The following CNTN1 variants were observed in gnomAD, a reference collection of about 807,000 sequenced individuals.
CNTN1 encodes contactin 1, also known as contactin-1.
CNTN1 carries 38 observed loss-of-function variants against 126.4 expected under a neutral mutation model. The ratio of observed to expected loss-of-function variants is 0.30; its 90% CI spans 0.23 to 0.39. CNTN1 has a LOEUF of 0.39. Ranked by LOEUF, CNTN1 falls within the 10% of genes least tolerant of loss-of-function variation. The probability of loss-of-function intolerance (pLI) is 1.00; values close to 1 mark genes in which losing one functional copy is unlikely to be tolerated. For synonymous variants in CNTN1, 413 were observed against 422.6 expected (o/e 0.98, Z 0.28); for missense variants, 1,009 against 1,248.4 (o/e 0.81, Z 2.89).
At chr12:41,008,205 A>G (rs1948551658) in intron 17 of CNTN1, among the ~76,000 whole-genome samples, 1 of 152,124 alleles carries the variant, frequency 6.6e-6, no homozygotes, top group Non-Finnish European at 1.5e-5. Context: ...CACCATTTGG[A>G]GTTTGATTGT....
At chr12:40,859,048 T>C (rs893230190) in intron 1 of CNTN1, among the ~76,000 whole-genome samples, 2 of 151,984 alleles carry the variant, frequency 1.3e-5, no homozygotes, top group Non-Finnish European at 2.9e-5. Context: ...ACCTAGGTGA[T>C]GGGTTGATAG....
Position 40,937,594 on chromosome 12 carries a change from T to C in CNTN1, c.1135T>C (p.Tyr379His). The C allele has an allele frequency of 6.2e-7, 1 of 1,609,280 alleles. No homozygotes were observed. The highest frequency in any genetic ancestry group is 8.5e-7 in the Non-Finnish European group (1 of 1,175,742). The part of the protein sequence containing the change: ...YAYHKGELRL[Y>H]DVTFENAGMY... Reference sequence around the variant, plus strand: ...GTATCATAAAGGGGAATTAAGACTGTATGATGTGACTTTTGAAAATGCCGG... The same window carrying C: ...GTATCATAAAGGGGAATTAAGACTGCATGATGTGACTTTTGAAAATGCCGG... Residue 379 changes from tyrosine to histidine, a missense_variant, in exon 11 of 24, where the codon TAT becomes CAT. Coordinates refer to ENST00000551295, the MANE Select transcript of CNTN1 (RefSeq NM_001843.4).
intron 2 of CNTN1, 94 bp from the exon 3 acceptor site, chr12:40,909,979 C>G: frequency 1.1e-6 from 1 of 919,402 alleles, no homozygotes; most frequent in Non-Finnish European, 1.8e-6. Flanking sequence ...TACTCTCATT[C>G]CATTGTCTAG....
rs181312475 is a variant in CNTN1, at chr12:40,742,489, G to C, written c.-77+49897G>C. On this transcript the variant is annotated intron_variant, in intron 1 of 23. Transcript: ENST00000551295. ...TTTCAAGTGAGTAAAGTTTGTCTTT[G>C]CTGCTTTTCAACTCTTTCATCTTTC... is the stretch of plus-strand genomic sequence containing the variant. 10 of 151,772 alleles carry C rather than the reference G, an allele frequency of 6.6e-5. No individual in the cohort carries two copies. In the East Asian group the frequency reaches 1.7e-3, roughly 27 times the overall value. The allele number at this position is 151,772 out of a possible 1,614,324, so 9.4% of individuals were successfully genotyped here.
At chr12:40,715,494 A>C (rs1338322761) in intron 1 of CNTN1, among the ~76,000 whole-genome samples, 1 of 152,150 alleles carries the variant, frequency 6.6e-6, no homozygotes, top group Non-Finnish European at 1.5e-5. Flanking sequence ...AACCGCATGA[A>C]CTTTTGCATG....
intron 23 of CNTN1, among the ~76,000 whole-genome samples, chr12:41,057,766 T>A (rs1167703588): frequency 6.6e-6 from 1 of 151,976 alleles, no homozygotes. Context: ...TTGGCGTGAT[T>A]TTTTTTATTT....
At chr12:40,958,381 A>G (rs866121451) in intron 14 of CNTN1, among the ~76,000 whole-genome samples, 32 of 130,600 alleles carry the variant, frequency 2.5e-4, no homozygotes, top group Middle Eastern at 3.9e-3. Context: ...GTGTGTGTGT[A>G]TGTATGTATG....
intron 1 of CNTN1, among the ~76,000 whole-genome samples, chr12:40,893,164 C>T (rs1013172231): frequency 3.3e-5 from 5 of 151,932 alleles, no homozygotes; most frequent in African/African-American, 7.2e-5. Flanking sequence ...TTCCTCTTTA[C>T]CCTAACTAGG....
intron 1 of CNTN1, among the ~76,000 whole-genome samples, chr12:40,886,415 G>T (rs1414461834): frequency 1.3e-5 from 2 of 151,982 alleles, no homozygotes; most frequent in African/African-American, 4.8e-5. Flanking sequence ...ATTATTAAAA[G>T]GGCTTATGGC....
intron 1 of CNTN1, among the ~76,000 whole-genome samples, chr12:40,797,006 T>C (rs1159299263): frequency 6.6e-6 from 1 of 152,074 alleles, no homozygotes; most frequent in South Asian, 2.1e-4. Context: ...CATCTATTAG[T>C]TCAACCCTCT....
At chr12:40,814,314 G>T (rs921646620) in intron 1 of CNTN1, among the ~76,000 whole-genome samples, 3 of 152,166 alleles carry the variant, frequency 2.0e-5, no homozygotes, top group Non-Finnish European at 4.4e-5. Context: ...TTCTTCTAGG[G>T]TTTTTATGGT....
chr12:40,809,281 A>G (rs1940965318), intron 1 of CNTN1, among the ~76,000 whole-genome samples: 1 of 152,206 alleles, frequency 6.6e-6, no homozygotes. Flanking sequence ...GTTTCAAGAT[A>G]AAACTCCTTA....
chr12:40,747,304 G>GGTGTGTGT (rs1565679842), intron 1 of CNTN1, among the ~76,000 whole-genome samples: 2 of 21,046 alleles, frequency 9.5e-5, no homozygotes, highest in South Asian at 2.5e-3. Flanking sequence ...TTTGTGAAGG[G>GGTGTGTGT]ATGTGTGTGT....
In CNTN1 at chr12:40,989,657, T is replaced by C. The variant is rs143971194; in HGVS notation, c.1964-3463T>C. On this transcript the variant is annotated intron_variant, in intron 16 of 23. Transcript: ENST00000551295. ...CTGTCCACTCTAAATAGACACAAAC[T>C]TTAGAATTTGTATTACATATATATT... 7.7e-4 allele frequency among the ~76,000 whole-genome samples: 117 copies of C among 152,266 alleles called. 3 individuals are homozygous for C. Among genetic ancestry groups the C allele is most frequent in the African/African-American group, 2.6e-3 (109 of 41,550 alleles).
intron 1 of CNTN1, among the ~76,000 whole-genome samples, chr12:40,743,287 T>C (rs1393133426): frequency 6.6e-6 from 1 of 151,578 alleles, no homozygotes; most frequent in African/African-American, 2.4e-5. Flanking sequence ...CTCTAGACAT[T>C]CAAGGACTTT....
intron 16 of CNTN1, among the ~76,000 whole-genome samples, chr12:40,982,465 T>C (rs1015368981): frequency 4.6e-5 from 7 of 152,202 alleles, no homozygotes; most frequent in Non-Finnish European, 8.8e-5. Flanking sequence ...GCAATCATTT[T>C]CATTATTTAT....
chr12:40,973,606 A>T (rs944915151), intron 15 of CNTN1, among the ~76,000 whole-genome samples: 1 of 152,162 alleles, frequency 6.6e-6, no homozygotes, highest in South Asian at 2.1e-4. Flanking sequence ...GGGAATTACC[A>T]GTGGAAAAAA....
intron 1 of CNTN1, among the ~76,000 whole-genome samples, chr12:40,854,624 A>T (rs1475683772): frequency 1.3e-5 from 2 of 152,304 alleles, no homozygotes; most frequent in South Asian, 2.1e-4. Context: ...CCAAAGGCAG[A>T]TCAGCAAGTG....
chr12:40,778,777 G>T (rs1349754443), intron 1 of CNTN1, among the ~76,000 whole-genome samples: 1 of 151,628 alleles, frequency 6.6e-6, no homozygotes, highest in Non-Finnish European at 1.5e-5. Context: ...TAAGAAATTG[G>T]CTCTCAACGA....
Sources: gnomAD v4.1 joint callset for allele counts (sites outside exome capture counted in the v4.1 genomes callset) on GRCh38, gnomAD v4.1.1 for gene constraint, MANE v1.5 for transcripts, NCBI Gene and HGNC (gene_info 2026-07-23, HGNC 2026-07-21) for gene names.